FAM162A: variants seen among roughly 807,000 people sequenced by gnomAD.
The protein encoded by FAM162A is protein FAM162A.
In FAM162A, 23 loss-of-function variants were observed where a neutral mutation model predicts 21.8. The observed-to-expected ratio is 1.05, with a 90% CI of 0.76 to 1.49. The LOEUF (loss-of-function observed/expected upper bound fraction) is 1.49, where lower values mean the gene tolerates loss of function less well. FAM162A is among the 40% of genes most tolerant of loss of function. The pLI is 0.00. For synonymous variants in FAM162A, 53 were observed against 61.3 expected, an observed-to-expected ratio of 0.86 and a Z score of 0.64; for missense variants, 165 against 186.4, an observed-to-expected ratio of 0.89 and a Z score of 0.67.
Position 122,402,710 on chromosome 3 carries a change from A to G in FAM162A, c.35-50A>G, listed in dbSNP as rs561749087. 1.0e-5 allele frequency: 14 copies of G among 1,402,334 alleles called. No homozygotes were observed. In the African/African-American group the frequency reaches 1.9e-4, roughly 19 times the overall value. The allele number at this position is 1,402,334 out of a possible 1,614,324, so 86.9% of individuals were successfully genotyped here. Reference sequence around the variant, plus strand: ...CGGGTATTTCTTATTTTGAGAAAACATCACATTTTCTTTCTTTCTTTCTTT... The same window carrying G: ...CGGGTATTTCTTATTTTGAGAAAACGTCACATTTTCTTTCTTTCTTTCTTT... On this transcript the variant is annotated intron_variant, in intron 1 of 4. Coordinates refer to ENST00000477892, the MANE Select transcript of FAM162A (RefSeq NM_014367.4).
chr3:122,392,902 A>C (rs1196667410), intron 1 of FAM162A, among the ~76,000 whole-genome samples: 1 of 149,478 alleles, frequency 6.7e-6, no homozygotes, highest in Non-Finnish European at 1.5e-5. Context: ...ATAATATTTC[A>C]AAAAAAAAAT....
intron 1 of FAM162A, among the ~76,000 whole-genome samples, chr3:122,395,195 C>T (rs988170795): frequency 1.3e-5 from 2 of 152,150 alleles, no homozygotes; most frequent in Admixed American, 1.3e-4. Context: ...TGCGTTTCCC[C>T]CATGACATGA....
In FAM162A at chr3:122,410,080, T is replaced by C; in HGVS notation, c.*249T>C. 2.1e-6 allele frequency: 1 copy of C among 469,918 alleles called. No individual in the cohort carries two copies. The highest frequency in any genetic ancestry group is 3.9e-6 in the Non-Finnish European group (1 of 255,538). 29.1% of individuals were successfully genotyped at this position (469,918 alleles called of 1,614,324 possible). A position where few individuals can be genotyped will look rare whatever the true frequency, so the allele number is the denominator to read the frequency against. ...GAAAAATGAAACAATTTATTTCAAC[T>C]TGAATACCAACTCTTCAGAGAAGCA... On this transcript the variant is annotated 3_prime_UTR_variant, in exon 5 of 5. Transcript: ENST00000477892.
intron 1 of FAM162A, among the ~76,000 whole-genome samples, chr3:122,389,433 A>AGATG (rs1553776531): frequency 1.4e-5 from 2 of 146,366 alleles, no homozygotes; most frequent in South Asian, 2.2e-4. Context: ...ATAGATAGAT[A>AGATG]GATGAGATAG....
At chr3:122,397,203 A>AT (rs970177328) in intron 1 of FAM162A, among the ~76,000 whole-genome samples, 27 of 148,576 alleles carry the variant, frequency 1.8e-4, no homozygotes, top group Middle Eastern at 7.0e-3. Context: ...TGTTCAAAAG[A>AT]TTTTTTTTTT....
chr3:122,384,337 G>A (rs953489404), intron 1 of FAM162A, 38 bp downstream of exon 1: 1 of 1,561,922 alleles, frequency 6.4e-7, no homozygotes. Flanking sequence ...TAGGGGAGCT[G>A]GCCCGGCCGC....
chr3:122,391,799 G>A (rs1050748826), intron 1 of FAM162A, among the ~76,000 whole-genome samples: 1 of 152,196 alleles, frequency 6.6e-6, no homozygotes, highest in Non-Finnish European at 1.5e-5. Flanking sequence ...TAGCTGCATA[G>A]CTAGCCCTTG....
chr3:122,391,311 G>A (rs566633376), intron 1 of FAM162A, among the ~76,000 whole-genome samples: 1 of 152,326 alleles, frequency 6.6e-6, no homozygotes, highest in African/African-American at 2.4e-5. Context: ...TTCTGCCTCA[G>A]CCTCCTGAGT....
intron 1 of FAM162A, among the ~76,000 whole-genome samples, chr3:122,399,406 C>T (rs989537575): frequency 2.0e-5 from 3 of 152,126 alleles, no homozygotes; most frequent in African/African-American, 7.2e-5. Context: ...TCACTGCGAC[C>T]TTCGGCTCCG....
intron 3 of FAM162A, among the ~76,000 whole-genome samples, chr3:122,406,440 C>G (rs1207076585): frequency 6.6e-6 from 1 of 152,220 alleles, no homozygotes; most frequent in Non-Finnish European, 1.5e-5. Flanking sequence ...TGCCTACTTG[C>G]AAAATCACCA....
chr3:122,386,333 G>C (rs758101288), intron 1 of FAM162A, among the ~76,000 whole-genome samples: 3 of 152,134 alleles, frequency 2.0e-5, no homozygotes, highest in Non-Finnish European at 2.9e-5. Flanking sequence ...AGGATTGCTT[G>C]AGACCAGGAG....
intron 2 of FAM162A, among the ~76,000 whole-genome samples, chr3:122,404,018 C>G (rs2075665727): frequency 6.6e-6 from 1 of 152,166 alleles, no homozygotes; most frequent in Non-Finnish European, 1.5e-5. Context: ...ACCTTACAAA[C>G]TTTTTCTTAG....
chr3:122,385,384 G>C (rs2075570407), intron 1 of FAM162A, among the ~76,000 whole-genome samples: 1 of 152,020 alleles, frequency 6.6e-6, no homozygotes, highest in African/African-American at 2.4e-5. Context: ...TCAATACTAT[G>C]ATTTCATTGA....
At chr3:122,395,598 A>G (rs2075623374) in intron 1 of FAM162A, among the ~76,000 whole-genome samples, 1 of 152,232 alleles carries the variant, frequency 6.6e-6, no homozygotes, top group South Asian at 2.1e-4. Context: ...TATTTTTAAG[A>G]TGGAAGAATT....
intron 1 of FAM162A, among the ~76,000 whole-genome samples, chr3:122,389,884 G>C (rs187358305): frequency 6.6e-6 from 1 of 152,040 alleles, no homozygotes; most frequent in Non-Finnish European, 1.5e-5. Context: ...ATCATTTAAA[G>C]TTTGTTTTAC....
At chr3:122,384,435 A>C in intron 1 of FAM162A, 136 bp downstream of exon 1, 1 of 1,080,198 alleles carries the variant, frequency 9.3e-7, no homozygotes, top group Non-Finnish European at 1.4e-6. Context: ...AATCCTACCT[A>C]CTTAGTAGCC....
At chr3:122,388,875 C>T (rs1490929742) in intron 1 of FAM162A, among the ~76,000 whole-genome samples, 9 of 152,108 alleles carry the variant, frequency 5.9e-5, no homozygotes. Flanking sequence ...CGGTGAAACC[C>T]TGTCTCTACT....
chr3:122,393,354 C>CAA lies in FAM162A; in HGVS notation c.34+9064_34+9065dup, dbSNP rs35078067. On this transcript the variant is annotated intron_variant, in intron 1 of 4. Transcript: ENST00000477892. ...TGTGACAATCTGAGGAGCATTTATC[C>CAA]AAAAAAAAAAGCCTGAAATCGTGGT... is the stretch of plus-strand genomic sequence containing the variant. Among the ~76,000 whole-genome samples, 71 of 147,258 alleles carry CAA rather than the reference C, an allele frequency of 4.8e-4. No individual in the cohort carries two copies. The South Asian group carries it at 9.7e-3, about 20-fold the overall frequency.
At chr3:122,390,045 G>A (rs1007250253) in intron 1 of FAM162A, among the ~76,000 whole-genome samples, 1 of 152,152 alleles carries the variant, frequency 6.6e-6, no homozygotes, top group Non-Finnish European at 1.5e-5. Flanking sequence ...AGATGATACA[G>A]GAGGATCGCT....
Sources: gnomAD v4.1 joint callset for allele counts (sites outside exome capture counted in the v4.1 genomes callset) on GRCh38, gnomAD v4.1.1 for gene constraint, MANE v1.5 for transcripts, NCBI Gene and HGNC (gene_info 2026-07-23, HGNC 2026-07-21) for gene names.